Variants in ASAP1 observed in about 807,000 individuals in gnomAD.
The protein encoded by ASAP1 is arf-GAP with SH3 domain, ANK repeat and PH domain-containing protein 1.
A neutral mutation model predicts 145.2 loss-of-function variants in ASAP1; 43 were observed. The observed-to-expected ratio is 0.30, with a 90% CI of 0.23 to 0.38. The LOEUF (loss-of-function observed/expected upper bound fraction) is 0.38. ASAP1 is among the 10% of genes least tolerant of loss of function. The pLI is 1.00. For synonymous variants in ASAP1, 546 were observed against 515.5 expected (o/e 1.06, Z -0.80); for missense variants, 1,018 against 1,355.3 (o/e 0.75, Z 3.91).
At chr8:130,399,994 T>G (rs1828709193) in intron 2 of ASAP1, among the ~76,000 whole-genome samples, 1 of 152,124 alleles carries the variant, frequency 6.6e-6, no homozygotes, top group Non-Finnish European at 1.5e-5. Flanking sequence ...TAATTTTGTC[T>G]TTTTTAGTAC....
At chr8:130,273,778 G>T (rs113777600) in intron 3 of ASAP1, among the ~76,000 whole-genome samples, 2,493 of 152,290 alleles carry the variant, frequency 0.016, 70 homozygotes, top group African/African-American at 0.055. Context: ...TAGCCCACAT[G>T]TAACACTCCC....
chr8:130,383,929 G>C (rs1565269233), intron 2 of ASAP1, among the ~76,000 whole-genome samples: 1 of 152,346 alleles, frequency 6.6e-6, no homozygotes, highest in East Asian at 1.9e-4. Context: ...GGTGCTGTAA[G>C]AAGGACCCAG....
At chr8:130,192,467 C>T (rs2136252455) in intron 5 of ASAP1, among the ~76,000 whole-genome samples, 1 of 152,260 alleles carries the variant, frequency 6.6e-6, no homozygotes, top group Admixed American at 6.5e-5. Context: ...AGGACTCACC[C>T]TCTATTCTAC....
intron 1 of ASAP1, among the ~76,000 whole-genome samples, chr8:130,406,094 G>A (rs955748886): frequency 6.6e-6 from 1 of 151,984 alleles, no homozygotes; most frequent in East Asian, 1.9e-4. Context: ...TTGGTTTTTT[G>A]TTGTTGTTGT....
At chr8:130,231,878 A>G (rs1037706202) in intron 4 of ASAP1, among the ~76,000 whole-genome samples, 2 of 152,236 alleles carry the variant, frequency 1.3e-5, no homozygotes, top group East Asian at 1.9e-4. Flanking sequence ...TCACATGCCC[A>G]TGCTTCCAAG....
intron 3 of ASAP1, among the ~76,000 whole-genome samples, chr8:130,256,453 T>C (rs1819521658): frequency 6.6e-6 from 1 of 151,886 alleles, no homozygotes; most frequent in South Asian, 2.1e-4. Flanking sequence ...AATTCATTCA[T>C]TTGGCACAAT....
At chr8:130,148,022 A>AT (rs1193605635) in intron 13 of ASAP1, among the ~76,000 whole-genome samples, 4 of 152,212 alleles carry the variant, frequency 2.6e-5, no homozygotes, top group Non-Finnish European at 4.4e-5. Flanking sequence ...TCAAATATAA[A>AT]TTCTTAGAAC....
intron 3 of ASAP1, among the ~76,000 whole-genome samples, chr8:130,247,881 T>C (rs1818946056): frequency 6.6e-6 from 1 of 152,206 alleles, no homozygotes; most frequent in Non-Finnish European, 1.5e-5. Flanking sequence ...ATGAGCATCA[T>C]TTTCACTAAA....
At chr8:130,334,330 A>C (rs1824898468) in intron 3 of ASAP1, among the ~76,000 whole-genome samples, 1 of 152,206 alleles carries the variant, frequency 6.6e-6, no homozygotes, top group Non-Finnish European at 1.5e-5. Flanking sequence ...CACATGATGA[A>C]ATATTATTAC....
intron 1 of ASAP1, among the ~76,000 whole-genome samples, chr8:130,442,674 G>A (rs1830526072): frequency 6.6e-6 from 1 of 152,082 alleles, no homozygotes; most frequent in African/African-American, 2.4e-5. Context: ...TCAAGTTAAC[G>A]ATGATGGTCT....
chr8:130,118,277 C>T lies in ASAP1; in HGVS notation c.1795-31G>A, dbSNP rs572523929. The T allele has an allele frequency of 2.2e-4, 359 of 1,599,534 alleles. 4 individuals carry two copies. In the Middle Eastern group the frequency reaches 4.8e-3, roughly 21 times the overall value. On this transcript the variant is annotated intron_variant, in intron 19 of 29. Transcript: ENST00000518721. ...AAGGGAAAGAAAAGTATAAGTAAGTCAATAATATGCTCTGCCAAGGGAGGC... is the reference window on the plus strand; with the variant it reads ...AAGGGAAAGAAAAGTATAAGTAAGTTAATAATATGCTCTGCCAAGGGAGGC...
At chr8:130,422,578 T>C (rs1030448383) in intron 1 of ASAP1, among the ~76,000 whole-genome samples, 5 of 152,208 alleles carry the variant, frequency 3.3e-5, no homozygotes, top group Admixed American at 3.3e-4. Context: ...CTTAGAAATC[T>C]AATAATCTAA....
At chr8:130,188,739 A>AAAAAAAAAAAAAG (rs1554842792) in intron 5 of ASAP1, among the ~76,000 whole-genome samples, 7 of 150,438 alleles carry the variant, frequency 4.7e-5, no homozygotes, top group Non-Finnish European at 5.9e-5. Flanking sequence ...AAAAAAAAAA[A>AAAAAAAAAAAAAG]AAAAAAGAAA....
At chr8:130,133,272 G>T (rs1586399203) in intron 15 of ASAP1, among the ~76,000 whole-genome samples, 1 of 152,172 alleles carries the variant, frequency 6.6e-6, no homozygotes, top group Non-Finnish European at 1.5e-5. Flanking sequence ...GAAAGAAGAG[G>T]GAATAAAGAC....
chr8:130,060,189 A>G (rs1474043180), intron 28 of ASAP1, among the ~76,000 whole-genome samples: 1 of 151,848 alleles, frequency 6.6e-6, no homozygotes, highest in Non-Finnish European at 1.5e-5. Flanking sequence ...TTCATCCTCA[A>G]GGTTCCTAGG....
At chr8:130,394,761 C>T (rs569975575) in intron 2 of ASAP1, among the ~76,000 whole-genome samples, 5 of 152,254 alleles carry the variant, frequency 3.3e-5, no homozygotes, top group African/African-American at 9.6e-5. Flanking sequence ...ACCCGGCCAA[C>T]GCTTAGGGAA....
intron 15 of ASAP1, among the ~76,000 whole-genome samples, chr8:130,133,691 A>AC (rs201669726): frequency 0.096 from 14,474 of 150,682 alleles, 776 homozygotes; most frequent in Non-Finnish European, 0.12. Flanking sequence ...AAACAAACAA[A>AC]AAAAAAAACA....
intron 24 of ASAP1, among the ~76,000 whole-genome samples, chr8:130,108,835 G>A (rs2135558972): frequency 8.4e-6 from 1 of 118,874 alleles, no homozygotes; most frequent in African/African-American, 3.2e-5. Flanking sequence ...GAGTGCAATG[G>A]CACAATCTCG....
At chr8:130,350,117 C>T (rs1339022091) in intron 3 of ASAP1, among the ~76,000 whole-genome samples, 1 of 152,218 alleles carries the variant, frequency 6.6e-6, no homozygotes, top group Non-Finnish European at 1.5e-5. Flanking sequence ...ACTGCGGCCT[C>T]GCACAGTGTG....
Sources: gnomAD v4.1 joint callset for allele counts (sites outside exome capture counted in the v4.1 genomes callset) on GRCh38, gnomAD v4.1.1 for gene constraint, MANE v1.5 for transcripts, NCBI Gene and HGNC (gene_info 2026-07-23, HGNC 2026-07-21) for gene names.